Variants in INSRR observed in about 807,000 individuals in gnomAD.
INSRR encodes insulin receptor related receptor.
Under a neutral mutation model 130.0 loss-of-function variants are expected in INSRR, and 114 were observed. The observed-to-expected ratio is 0.88, with a 90% CI of 0.75 to 1.02. The LOEUF (loss-of-function observed/expected upper bound fraction) is 1.02. INSRR is among the 50% of genes least tolerant of loss of function. INSRR has a pLI of 0.00. For missense variants in INSRR, 1,657 were observed against 1,735.2 expected, an observed-to-expected ratio of 0.95 and a Z score of 0.80; for synonymous variants, 674 against 705.2, an observed-to-expected ratio of 0.96 and a Z score of 0.70.
At chr1:156,853,718 CT>C in intron 2 of INSRR, 33 bp downstream of exon 2, 1 of 1,566,168 alleles carries the variant, frequency 6.4e-7, no homozygotes, top group Non-Finnish European at 8.7e-7. Flanking sequence ...TGCTCTCTCC[CT>C]TCCCTACATT....
chr1:156,856,509 G>A (rs1156538034), intron 1 of INSRR, among the ~76,000 whole-genome samples: 4 of 151,968 alleles, frequency 2.6e-5, no homozygotes. Flanking sequence ...AATGCATCCA[G>A]CCTCAGAAGG....
intron 16 of INSRR, 58 bp downstream of exon 16, chr1:156,843,369 T>C: frequency 1.3e-6 from 2 of 1,592,102 alleles, no homozygotes; most frequent in South Asian, 2.2e-5. Context: ...GAAGTCTGTC[T>C]CTGCTCCTCT....
rs1257338203 is a variant in INSRR, at chr1:156,846,819, C to A, written c.1572-62G>T. On this transcript the variant is annotated intron_variant, in intron 7 of 21. Coordinates refer to ENST00000368195, the MANE Select transcript of INSRR (RefSeq NM_014215.3). ...CCCCACCCTCAAGTTCTGGCACCCC[C>A]GCTCTGAATCACCCCAGGACTGTCA... The A allele has an allele frequency of 9.2e-6, 12 of 1,309,346 alleles. No individual in the cohort carries two copies. The East Asian group carries it at 1.9e-4, about 20-fold the overall frequency. The allele number at this position is 1,309,346 out of a possible 1,614,324, so 81.1% of individuals were successfully genotyped here.
chr1:156,841,264 G>T, intron 21 of INSRR, 130 bp downstream of exon 21: 1 of 1,030,274 alleles, frequency 9.7e-7, no homozygotes, highest in East Asian at 2.4e-5. Context: ...TTGGGATAGG[G>T]GGGTGGCGCT....
Position 156,852,137 on chromosome 1 carries a change from G to T in INSRR, c.692C>A (p.Thr231Asn). 1 of 1,612,980 alleles carries T rather than the reference G, an allele frequency of 6.2e-7. No homozygotes were observed. ...ACTARGECCH[T>N]ECLGGCSQPE... ...CTGGCTGCAGCCCCCCAGGCATTCG[G>T]TGTGGCAGCACTCGCCCCTCGCTGT... Residue 231 changes from threonine to asparagine, a missense_variant, in exon 3 of 22, where the codon ACC (threonine) becomes AAC (asparagine). Coordinates refer to ENST00000368195, the MANE Select transcript of INSRR (RefSeq NM_014215.3).
intron 1 of INSRR, among the ~76,000 whole-genome samples, chr1:156,857,157 CTGTGTATGTGTGTGTGTG>C (rs1373421819): frequency 1.6e-5 from 2 of 121,286 alleles, no homozygotes; most frequent in Admixed American, 1.6e-4. Context: ...TGCCCAGCAG[CTGTGTATGTGTGTGTGTG>C]TGTGTGTGTG....
intron 1 of INSRR, among the ~76,000 whole-genome samples, chr1:156,858,132 C>T (rs1476504381): frequency 4.6e-5 from 7 of 152,170 alleles, no homozygotes; most frequent in South Asian, 4.1e-4. Flanking sequence ...AGTTTCCTGT[C>T]GGCAACATTG....
chr1:156,845,124 CG>C lies in INSRR; in HGVS notation c.2388del (p.Val797TrpfsTer160), dbSNP rs1654944701. The C allele has an allele frequency of 6.2e-7, 1 of 1,611,188 alleles. No homozygotes were observed. On this transcript the variant is annotated frameshift_variant, in exon 12 of 22. Transcript: ENST00000368195. LOFTEE classifies it high-confidence loss of function. Reference protein sequence around the residue: ...DIHACNHAAHTVGCSAATFVF... With the variant: ...DIHACNHAAHXVGCSAATFVF... Reference sequence around the variant, plus strand: ...ACGAAGGTGGCGGCGCTGCAGCCCACGGTGTGCGCCGCGTGGTTGCAGGCAT... The same window carrying C: ...ACGAAGGTGGCGGCGCTGCAGCCCACGTGTGCGCCGCGTGGTTGCAGGCAT...
intron 7 of INSRR, among the ~76,000 whole-genome samples, chr1:156,848,071 G>A (rs1558087764): frequency 6.6e-6 from 1 of 152,058 alleles, no homozygotes. Context: ...ATCAGTGGGG[G>A]GCGAGGCCCA....
intron 15 of INSRR, among the ~76,000 whole-genome samples, chr1:156,843,811 C>T (rs1303158198): frequency 6.6e-6 from 1 of 152,226 alleles, no homozygotes; most frequent in Non-Finnish European, 1.5e-5. Context: ...GGAACACATC[C>T]CCAGGCCTCC....
Position 156,843,033 on chromosome 1 carries a change from C to G in INSRR, c.3097G>C (p.Val1033Leu), listed in dbSNP as rs778231001. ...TGGTGACACTTGAAGGCTTTCATGA[C>G]AGAAGCTTCCTTGAGGAACTCAATG... The part of the protein sequence containing the change: ...ECIEFLKEAS[V>L]MKAFKCHHVV... Residue 1033 changes from valine (V) to leucine (L), a missense_variant, in exon 17 of 22, where the codon GTC (valine) becomes CTC (leucine). Physicochemically the swap from Val to Leu is conservative, Grantham distance 32 (BLOSUM62 1). Coordinates refer to ENST00000368195, the MANE Select transcript of INSRR (RefSeq NM_014215.3). The G allele has an allele frequency of 5.6e-6, 9 of 1,613,890 alleles. No homozygotes were observed. The highest frequency in any genetic ancestry group is 6.8e-6 in the Non-Finnish European group (8 of 1,179,918).
At position 156,842,286 on chromosome 1, in the gene INSRR, G is replaced by C. The variant is rs532005876; in HGVS notation, c.3238-15C>G. On this transcript the variant is annotated splice_polypyrimidine_tract_variant and intron_variant, in intron 18 of 21. Coordinates refer to ENST00000368195, the MANE Select transcript of INSRR (RefSeq NM_014215.3). ...CCAGGGTTGTTCTAGAGCCAAGATT[G>C]GGGGCTGGTGAGGAAGGAACCCAGA... The C allele has an allele frequency of 6.2e-7, 1 of 1,613,772 alleles. No homozygotes were observed. Among genetic ancestry groups the C allele is most frequent in the African/African-American group, 1.3e-5 (1 of 74,996 alleles).
intron 12 of INSRR, 24 bp from the exon 13 acceptor site, chr1:156,844,867 C>A: frequency 6.2e-7 from 1 of 1,613,144 alleles, no homozygotes; most frequent in Middle Eastern, 1.7e-4. Context: ...CATCCAGCAG[C>A]CGGGCCAAAA....
At chr1:156,842,864 C>A (rs1654848396) in intron 17 of INSRR, 140 bp downstream of exon 17, 6 of 697,658 alleles carry the variant, frequency 8.6e-6, no homozygotes, top group Non-Finnish European at 1.2e-5. Flanking sequence ...CTAACCATGA[C>A]CTTTACCCCA....
chr1:156,845,569 T>A, intron 10 of INSRR, 50 bp downstream of exon 10: 103 of 208,964 alleles, frequency 4.9e-4, no homozygotes, highest in Non-Finnish European at 7.2e-4. Flanking sequence ...GACCCGCCCC[T>A]CACAGGCCCC....
At position 156,858,776 on chromosome 1, in the gene INSRR, G is replaced by A. The variant is rs941366662; in HGVS notation, c.-155C>T. ...AAGGAATCCCACACAGAGACAGCAG[G>A]AGACAGAAAAAAAGAAATGAGAGTC... On this transcript the variant is annotated 5_prime_UTR_variant, in exon 1 of 22. Transcript: ENST00000368195. The A allele has an allele frequency of 2.2e-5, 14 of 638,856 alleles. No individual in the cohort carries two copies. Among genetic ancestry groups the A allele is most frequent in the Middle Eastern group, 3.4e-4 (1 of 2,900 alleles). 39.6% of individuals were successfully genotyped at this position (638,856 alleles called of 1,614,324 possible). A position where few individuals can be genotyped will look rare whatever the true frequency, so the allele number is the denominator to read the frequency against.
At position 156,845,953 on chromosome 1, in the gene INSRR, G is replaced by A. The variant is rs760065948; in HGVS notation, c.1977C>T (p.Arg659=). 1 of 1,611,598 alleles carries A rather than the reference G, an allele frequency of 6.2e-7. No individual in the cohort carries two copies. The highest frequency in any genetic ancestry group is 8.5e-7 in the Non-Finnish European group (1 of 1,178,864). Residue 659 remains arginine (R), a splice_region_variant and synonymous_variant, in exon 9 of 22, where the codon CGC becomes CGT. Transcript: ENST00000368195. Reference sequence around the variant, plus strand: ...GGCCTGCGCGTCGTCCCTGCGCACCGCGGTGGCAGTAGTCATTGAGGTAGA... The same window carrying A: ...GGCCTGCGCGTCGTCCCTGCGCACCACGGTGGCAGTAGTCATTGAGGTAGA... ...GDLYLNDYCH[R]GLRLPTSNND...
intron 5 of INSRR, 151 bp from the exon 6 acceptor site, chr1:156,849,611 C>T (rs913163116): frequency 2.1e-5 from 13 of 628,622 alleles, no homozygotes; most frequent in Non-Finnish European, 3.4e-5. Context: ...CGGGGGCATT[C>T]GTGCATACCC....
intron 7 of INSRR, among the ~76,000 whole-genome samples, chr1:156,848,587 C>T (rs535809681): frequency 6.6e-6 from 1 of 152,334 alleles, no homozygotes; most frequent in African/African-American, 2.4e-5. Context: ...GCTCCCCAAA[C>T]CGCTGCTGGG....
Sources: gnomAD v4.1 joint callset for allele counts (sites outside exome capture counted in the v4.1 genomes callset) on GRCh38, gnomAD v4.1.1 for gene constraint, MANE v1.5 for transcripts, NCBI Gene and HGNC (gene_info 2026-07-23, HGNC 2026-07-21) for gene names.